POLK: variants seen among roughly 807,000 people sequenced by gnomAD.
POLK encodes the protein polymerase (DNA directed) kappa.
Under a neutral mutation model 94.0 loss-of-function variants are expected in POLK, and 76 were observed. The observed-to-expected ratio is 0.81, with a 90% confidence interval of 0.67 to 0.98. The LOEUF (loss-of-function observed/expected upper bound fraction) is 0.98. Ranked by LOEUF, POLK falls within the 50% of genes least tolerant of loss-of-function variation. The probability of loss-of-function intolerance (pLI) is 0.00; values close to 1 mark genes in which losing one functional copy is unlikely to be tolerated. For synonymous variants in POLK, 349 were observed against 325.4 expected, an observed-to-expected ratio of 1.07 and a Z score of -0.78; for missense variants, 954 against 1,010.1, an observed-to-expected ratio of 0.94 and a Z score of 0.75.
rs1425090778 is a variant in POLK at position 75,596,735 on chromosome 5, G to T, written c.2042G>T (p.Cys681Phe). Residue 681 changes from cysteine to phenylalanine, a missense_variant, in exon 13 of 15, where the codon TGT (cysteine) becomes TTT (phenylalanine). Transcript: ENST00000241436. ...GAAAATGTTCCTGCTTCTTCACTTT[G>T]TGAGAAGCAAGATTATGAAGCCCAT... The T allele has an allele frequency of 1.9e-6, 3 of 1,613,244 alleles. No homozygotes were observed. The highest frequency in any genetic ancestry group is 2.5e-6 in the Non-Finnish European group (3 of 1,179,736).
At chr5:75,561,825 GGT>G (rs967240398) in intron 3 of POLK, among the ~76,000 whole-genome samples, 25 of 152,026 alleles carry the variant, frequency 1.6e-4, no homozygotes, top group African/African-American at 5.6e-4. Flanking sequence ...GTAGATATGT[GGT>G]GTTATTTCTG....
intron 11 of POLK, among the ~76,000 whole-genome samples, chr5:75,592,439 C>CA (rs776683070): frequency 1.1e-4 from 17 of 152,310 alleles, no homozygotes; most frequent in Middle Eastern, 3.4e-3. Context: ...GGGGGCCAGG[C>CA]ACGGTGGCTC....
intron 1 of POLK, among the ~76,000 whole-genome samples, chr5:75,530,016 T>G (rs1157148790): frequency 6.6e-6 from 1 of 152,128 alleles, no homozygotes; most frequent in East Asian, 1.9e-4. Context: ...ATGCTTTCCC[T>G]TTACTTTCCC....
chr5:75,559,127 G>GT (rs1254992070), intron 3 of POLK, among the ~76,000 whole-genome samples: 1 of 152,182 alleles, frequency 6.6e-6, no homozygotes, highest in Non-Finnish European at 1.5e-5. Flanking sequence ...GATTGAGGAA[G>GT]TTTAAGGAGT....
At chr5:75,565,227 C>T (rs371340792) in intron 3 of POLK, among the ~76,000 whole-genome samples, 2 of 152,190 alleles carry the variant, frequency 1.3e-5, no homozygotes, top group South Asian at 2.1e-4. Flanking sequence ...TTTTCAGCTC[C>T]ATCAGGTCAT....
intron 4 of POLK, among the ~76,000 whole-genome samples, chr5:75,572,165 G>A (rs1157485600): frequency 6.6e-6 from 1 of 152,076 alleles, no homozygotes; most frequent in African/African-American, 2.4e-5. Flanking sequence ...TAGTACTGTG[G>A]TCTACCACGT....
At chr5:75,590,858 T>C (rs1182023533) in intron 11 of POLK, among the ~76,000 whole-genome samples, 1 of 152,196 alleles carries the variant, frequency 6.6e-6, no homozygotes, top group African/African-American at 2.4e-5. Context: ...CCTTCTAAAA[T>C]AGGCATTTTG....
intron 10 of POLK, 53 bp downstream of exon 10, chr5:75,587,111 T>G: frequency 2.0e-6 from 2 of 995,926 alleles, no homozygotes; most frequent in South Asian, 1.6e-5. Context: ...TATTTTAAAC[T>G]AATATTGAAT....
upstream of POLK, chr5:75,511,507 T>A (rs766180949): frequency 4.1e-6 from 6 of 1,477,176 alleles, no homozygotes; most frequent in South Asian, 8.0e-5. Context: ...CTTAGCCCCC[T>A]CGATGCCAAT....
In POLK at chr5:75,511,924, C is replaced by T; in HGVS notation, c.-14+10C>T. The T allele has an allele frequency of 8.6e-7, 1 of 1,161,154 alleles. No homozygotes were observed. Among genetic ancestry groups the T allele is most frequent in the Non-Finnish European group, 1.2e-6 (1 of 826,154 alleles). 71.9% of individuals were successfully genotyped at this position (1,161,154 alleles called of 1,614,324 possible). A position where few individuals can be genotyped will look rare whatever the true frequency, so the allele number is the denominator to read the frequency against. ...GATCCTGAGGTAACGGGTGAGTATC[C>T]CGCGCGGGGATCGCTTGTCCCCTTG... On this transcript the variant is annotated intron_variant, in intron 1 of 14. Coordinates refer to ENST00000241436, the Ensembl canonical transcript of POLK.
intron 13 of POLK, 125 bp from the exon 14 acceptor site, chr5:75,597,622 A>G: frequency 2.1e-6 from 1 of 476,614 alleles, no homozygotes; most frequent in East Asian, 3.4e-5. Flanking sequence ...TGGTGTGTTT[A>G]CATATGAACT....
intron 1 of POLK, among the ~76,000 whole-genome samples, chr5:75,538,381 A>G (rs1003533183): frequency 6.6e-6 from 1 of 152,218 alleles, no homozygotes; most frequent in Non-Finnish European, 1.5e-5. Flanking sequence ...CTTAAACCAC[A>G]TATTAAGCTA....
chr5:75,605,118 T>TACACACACACACAC (rs3842052), downstream of POLK, among the ~76,000 whole-genome samples: 22 of 146,840 alleles, frequency 1.5e-4, no homozygotes, highest in East Asian at 1.0e-3. Context: ...TGTATACACA[T>TACACACACACACAC]ACACACACAC....
intron 3 of POLK, among the ~76,000 whole-genome samples, chr5:75,555,404 T>C (rs1325979033): frequency 6.6e-6 from 1 of 152,206 alleles, no homozygotes; most frequent in Non-Finnish European, 1.5e-5. Context: ...TCATACAGGA[T>C]GTAGCCTTTT....
chr5:75,561,752 A>T (rs1035645871), intron 3 of POLK, among the ~76,000 whole-genome samples: 18 of 152,308 alleles, frequency 1.2e-4, no homozygotes, highest in African/African-American at 4.3e-4. Context: ...AACACCATTT[A>T]TTAAATAGGG....
chr5:75,598,671 T>C (rs1213387720), exon 15 of POLK: 1 of 152,466 alleles, frequency 6.6e-6, no homozygotes, highest in African/African-American at 2.4e-5. Flanking sequence ...TTTATTTTAA[T>C]ACAGGACTTT....
intron 2 of POLK, 118 bp from the exon 3 acceptor site, chr5:75,552,354 C>T (rs1301623490): frequency 1.1e-6 from 1 of 871,312 alleles, no homozygotes; most frequent in Non-Finnish European, 1.7e-6. Context: ...AGTAGTAGAG[C>T]TAAGTTTTAA....
At position 75,524,125 on chromosome 5, in the gene POLK, T is replaced by C. The variant is rs184769814; in HGVS notation, c.-14+12211T>C. 8.7e-4 allele frequency among the ~76,000 whole-genome samples: 130 copies of C among 149,454 alleles called. 2 individuals carry two copies. The East Asian group carries it at 0.023, about 27-fold the overall frequency. ...AGCCTGGGTGACGAGTGAGACTCCG[T>C]CTCAAAAAAAAAAAACAACAAAAAA... On this transcript the variant is annotated intron_variant, in intron 1 of 14. Coordinates refer to ENST00000241436, the Ensembl canonical transcript of POLK.
chr5:75,598,403 C>T (rs1030254582), exon 15 of POLK: 2 of 154,030 alleles, frequency 1.3e-5, no homozygotes, highest in African/African-American at 4.8e-5. Context: ...ACTTTGTTGG[C>T]ATTGATCCTA....
Sources: allele counts gnomAD v4.1 joint callset (sites outside exome capture counted in the v4.1 genomes callset), GRCh38; gene constraint gnomAD v4.1.1; transcripts MANE v1.5; gene names NCBI Gene and HGNC (gene_info 2026-07-23, HGNC 2026-07-21).